The following GOLIM4 variants were observed in gnomAD, a reference collection of about 807,000 sequenced individuals.
GOLIM4 encodes golgi integral membrane protein 4.
A neutral mutation model predicts 107.4 loss-of-function variants in GOLIM4; 71 were observed. That is an observed-to-expected ratio of 0.66 (90% confidence interval 0.55 to 0.81). The LOEUF is 0.81. Ranked by LOEUF, GOLIM4 falls within the 30% of genes least tolerant of loss-of-function variation. The pLI is 0.00. For synonymous variants in GOLIM4, 327 were observed against 294.8 expected (o/e 1.11, Z -1.12); for missense variants, 830 against 826.1 (o/e 1.00, Z -0.06).
At chr3:168,082,289 G>T (rs1294263991) in intron 1 of GOLIM4, among the ~76,000 whole-genome samples, 1 of 152,290 alleles carries the variant, frequency 6.6e-6, no homozygotes, top group Admixed American at 6.5e-5. Flanking sequence ...CTTAGGCAAT[G>T]AGCTGGTGCT....
intron 1 of GOLIM4, among the ~76,000 whole-genome samples, chr3:168,091,195 T>C (rs1351088292): frequency 6.6e-6 from 1 of 152,246 alleles, no homozygotes; most frequent in Admixed American, 6.5e-5. Context: ...TTTAAATAGT[T>C]GTAACATATT....
intron 1 of GOLIM4, among the ~76,000 whole-genome samples, chr3:168,078,178 G>A (rs1284884471): frequency 2.6e-5 from 4 of 151,856 alleles, no homozygotes; most frequent in Admixed American, 2.6e-4. Context: ...ATAATGAATA[G>A]ACCTTTCCTT....
chr3:168,073,093 C>T (rs1720914631), intron 1 of GOLIM4, among the ~76,000 whole-genome samples: 1 of 152,166 alleles, frequency 6.6e-6, no homozygotes, highest in South Asian at 2.1e-4. Flanking sequence ...ACACAGTATT[C>T]CAGGACAAAA....
intron 9 of GOLIM4, among the ~76,000 whole-genome samples, chr3:168,031,817 A>T (rs1405955863): frequency 6.6e-6 from 1 of 152,262 alleles, no homozygotes; most frequent in Non-Finnish European, 1.5e-5. Context: ...CAGGTAACCT[A>T]CTATTGAGAC....
intron 8 of GOLIM4, among the ~76,000 whole-genome samples, 193 bp from the exon 9 acceptor site, chr3:168,033,045 C>T (rs1718426321): frequency 6.6e-6 from 1 of 152,056 alleles, no homozygotes; most frequent in Non-Finnish European, 1.5e-5. Flanking sequence ...ATAAAATAGA[C>T]ATAATATAAG....
At chr3:168,047,701 T>C (rs1302808143) in intron 2 of GOLIM4, among the ~76,000 whole-genome samples, 1 of 152,212 alleles carries the variant, frequency 6.6e-6, no homozygotes, top group Non-Finnish European at 1.5e-5. Context: ...TCATCAGCTG[T>C]ATAAGGCCTG....
At position 168,029,238 on chromosome 3, in the gene GOLIM4, G is replaced by A. The variant is rs763207016; in HGVS notation, c.1498C>T (p.Gln500Ter). 6.9e-6 allele frequency: 11 copies of A among 1,604,532 alleles called. No individual in the cohort carries two copies. Among genetic ancestry groups the A allele is most frequent in the Non-Finnish European group, 8.5e-7 (1 of 1,172,554 alleles). ...GTCTCACCACCTCCTTCCTCTCCTT[G>A]GATTCCCTGGTCCTCTGCTCCCTGA... is the stretch of plus-strand genomic sequence containing the variant. ...IVQGAEDQGI[Q>*]GEEGAYERDN... Residue 500 changes from glutamine to a stop codon, truncating the protein, a stop_gained, in exon 11 of 16, where the codon CAA becomes TAA. Coordinates refer to ENST00000470487, the MANE Select transcript of GOLIM4 (RefSeq NM_014498.5). LOFTEE classifies it high-confidence loss of function.
intron 6 of GOLIM4, chr3:168,041,170 T>C: frequency 3.8e-6 from 2 of 520,260 alleles, no homozygotes; most frequent in Non-Finnish European, 6.8e-6. Flanking sequence ...GTAACTAGCA[T>C]GAGAATAATT....
chr3:168,089,086 G>T (rs1265521779), intron 1 of GOLIM4, among the ~76,000 whole-genome samples: 1 of 152,208 alleles, frequency 6.6e-6, no homozygotes, highest in Non-Finnish European at 1.5e-5. Context: ...TCAAAAGAAT[G>T]CTTCACTGAA....
At chr3:168,035,089 T>C (rs1419994171) in intron 8 of GOLIM4, among the ~76,000 whole-genome samples, 2 of 136,366 alleles carry the variant, frequency 1.5e-5, no homozygotes, top group Non-Finnish European at 3.2e-5. Context: ...GAAATGCAAA[T>C]CAAAACCACA....
intron 1 of GOLIM4, among the ~76,000 whole-genome samples, chr3:168,070,388 G>A (rs762794409): frequency 1.2e-4 from 19 of 152,148 alleles, no homozygotes; most frequent in Non-Finnish European, 2.4e-4. Flanking sequence ...GCGAGACTCC[G>A]TCTCAAAAAC....
intron 14 of GOLIM4, among the ~76,000 whole-genome samples, chr3:168,015,422 T>A (rs1717307150): frequency 7.2e-6 from 1 of 139,808 alleles, no homozygotes; most frequent in East Asian, 2.0e-4. Context: ...CATTCCATGC[T>A]CATGGGTAGG....
At position 168,095,287 on chromosome 3, in the gene GOLIM4, G is replaced by A. The variant is rs1722128427; in HGVS notation, c.-2C>T. ...TCGGGAGCACATCCCGTTTCCCATA[G>A]TCCCGCCTGGACCCAAAGCCGCGGC... On this transcript the variant is annotated 5_prime_UTR_variant, in exon 1 of 16. Transcript: ENST00000470487. 1.9e-6 allele frequency: 3 copies of A among 1,611,318 alleles called. No homozygotes were observed. Among genetic ancestry groups the A allele is most frequent in the Non-Finnish European group, 2.5e-6 (3 of 1,179,442 alleles).
intron 1 of GOLIM4, among the ~76,000 whole-genome samples, chr3:168,078,098 C>T (rs994840180): frequency 6.6e-6 from 1 of 151,996 alleles, no homozygotes; most frequent in Non-Finnish European, 1.5e-5. Flanking sequence ...CAACTTACTA[C>T]TTTTGAATAC....
intron 1 of GOLIM4, among the ~76,000 whole-genome samples, chr3:168,082,869 G>A (rs186685856): frequency 1.3e-5 from 2 of 152,138 alleles, no homozygotes; most frequent in African/African-American, 2.4e-5. Flanking sequence ...TCACTGACAA[G>A]AGCAGAACAA....
chr3:168,060,100 GTTTT>G (rs111922454), intron 1 of GOLIM4, among the ~76,000 whole-genome samples: 2 of 145,742 alleles, frequency 1.4e-5, no homozygotes, highest in South Asian at 2.2e-4. Flanking sequence ...CCATTAGAGA[GTTTT>G]TTTTTTTTTT....
chr3:168,095,192 G>A lies in GOLIM4; in HGVS notation c.94C>T (p.Leu32Phe). The A allele has an allele frequency of 5.6e-6, 9 of 1,613,808 alleles. No homozygotes were observed. The highest frequency in any genetic ancestry group is 1.1e-5 in the South Asian group (1 of 91,070). Residue 32 changes from leucine to phenylalanine, a missense_variant, in exon 1 of 16, where the codon CTC becomes TTC. Physicochemically the swap from Leu to Phe is conservative, Grantham distance 22. Coordinates refer to ENST00000470487, the MANE Select transcript of GOLIM4 (RefSeq NM_014498.5). ...VVFGFLYGAM[L>F]YYELQTQLRK... is the part of the protein sequence containing the mutation. The stretch of plus-strand genomic sequence containing the variant: ...AGCTGCGTCTGCAGCTCGTAGTAGA[G>A]CATCGCGCCGTAGAGAAAGCCGAAC...
intron 1 of GOLIM4, among the ~76,000 whole-genome samples, chr3:168,083,600 C>T (rs1186314785): frequency 6.6e-6 from 1 of 152,146 alleles, no homozygotes; most frequent in Non-Finnish European, 1.5e-5. Flanking sequence ...TGGTAAGTCA[C>T]ATTTTAGAAT....
chr3:168,024,550 C>G lies in GOLIM4; in HGVS notation c.1836G>C (p.Gln612His). ...CCTCCTCTTCTGCCTCTTCCTGGTA[C>G]TGTTCATCAACATTGTCCTCCTGCT... ...PDQQEDNVDE[Q>H]YQEEAEEEVQ... Residue 612 changes from glutamine (Q) to histidine (H), a missense_variant, in exon 14 of 16, where the codon CAG becomes CAC. Physicochemically the swap from Gln to His is conservative, Grantham distance 24. Transcript: ENST00000470487. 6.2e-7 allele frequency: 1 copy of G among 1,613,026 alleles called. No homozygotes were observed. The highest frequency in any genetic ancestry group is 1.1e-5 in the South Asian group (1 of 91,042).
Sources: gnomAD v4.1 joint callset for allele counts (sites outside exome capture counted in the v4.1 genomes callset) on GRCh38, gnomAD v4.1.1 for gene constraint, MANE v1.5 for transcripts, NCBI Gene and HGNC (gene_info 2026-07-23, HGNC 2026-07-21) for gene names.